The following DHRSX variants were observed in gnomAD, a reference collection of about 807,000 sequenced individuals.
DHRSX encodes dehydrogenase/reductase X-linked.
A neutral mutation model predicts 34.0 loss-of-function variants in DHRSX; 31 were observed. The observed-to-expected ratio is 0.91, with a 90% CI of 0.69 to 1.23. The LOEUF (loss-of-function observed/expected upper bound fraction) is 1.23. DHRSX is among the 50% of genes most tolerant of loss of function. DHRSX has a pLI of 0.00. For synonymous variants in DHRSX, 201 were observed against 183.8 expected, an observed-to-expected ratio of 1.09 and a Z score of -0.76; for missense variants, 414 against 428.1, an observed-to-expected ratio of 0.97 and a Z score of 0.29.
chrX:2,421,749 A>G (rs2043782842), intron 2 of DHRSX, among the ~76,000 whole-genome samples: 1 of 152,208 alleles, frequency 6.6e-6, no homozygotes, highest in African/African-American at 2.4e-5. Flanking sequence ...AGCCAAGTGG[A>G]TGGCCATCGA....
chrX:2,314,629 T>C (rs1430830864), intron 3 of DHRSX, among the ~76,000 whole-genome samples: 1 of 151,898 alleles, frequency 6.6e-6, no homozygotes, highest in Non-Finnish European at 1.5e-5. Context: ...TGTTTTTCCT[T>C]GTCTCATTAT....
chrX:2,469,162 C>G (rs776332844), intron 1 of DHRSX, among the ~76,000 whole-genome samples: 35 of 148,922 alleles, frequency 2.4e-4, no homozygotes, highest in African/African-American at 8.2e-4. Context: ...ATGTACACAC[C>G]GAAGACGTTC....
intron 5 of DHRSX, among the ~76,000 whole-genome samples, chrX:2,260,569 C>T (rs1455537557): frequency 6.6e-6 from 1 of 151,926 alleles, no homozygotes; most frequent in East Asian, 1.9e-4. Context: ...AAGGAATTCT[C>T]CTGCCTCAGC....
intron 3 of DHRSX, among the ~76,000 whole-genome samples, chrX:2,375,878 G>A (rs1358548308): frequency 4.4e-5 from 6 of 136,434 alleles, no homozygotes; most frequent in African/African-American, 1.5e-4. Flanking sequence ...TGATCCACCT[G>A]CCTCGGCCTC....
intron 6 of DHRSX, among the ~76,000 whole-genome samples, chrX:2,224,448 G>A (rs34046710): frequency 0.48 from 71,126 of 147,872 alleles, 17,088 homozygotes; most frequent in Middle Eastern, 0.57. Context: ...AAGTACTACC[G>A]TTTTAGGGGG....
chrX:2,385,290 T>C (rs1465510943), intron 3 of DHRSX, among the ~76,000 whole-genome samples: 1 of 152,128 alleles, frequency 6.6e-6, no homozygotes, highest in Non-Finnish European at 1.5e-5. Flanking sequence ...AATTCATCCA[T>C]GAATCAGCCA....
At chrX:2,436,966 C>T (rs962942075) in intron 1 of DHRSX, among the ~76,000 whole-genome samples, 1 of 151,982 alleles carries the variant, frequency 6.6e-6, no homozygotes, top group African/African-American at 2.4e-5. Context: ...GGTTCCTGAA[C>T]TTTACTTTCA....
chrX:2,385,897 G>A (rs2043265384), intron 3 of DHRSX, among the ~76,000 whole-genome samples: 1 of 152,134 alleles, frequency 6.6e-6, no homozygotes, highest in Non-Finnish European at 1.5e-5. Flanking sequence ...AGTACAGCCA[G>A]TAGATTTTTG....
At chrX:2,364,599 A>G (rs1221872186) in intron 3 of DHRSX, among the ~76,000 whole-genome samples, 1 of 152,158 alleles carries the variant, frequency 6.6e-6, no homozygotes, top group African/African-American at 2.4e-5. Context: ...TCTATCATTT[A>G]TCTATTTACC....
rs536994273 is a variant in DHRSX, at chrX:2,296,162, C to T, written c.287-4559G>A. Reference sequence around the variant, plus strand: ...TATGTTTTTAAGCATGTCTCATATGCCTTGGATGCTACGTAACTTTGGAAC... The same window carrying T: ...TATGTTTTTAAGCATGTCTCATATGTCTTGGATGCTACGTAACTTTGGAAC... On this transcript the variant is annotated intron_variant, in intron 3 of 6. Coordinates refer to ENST00000334651, the MANE Select transcript of DHRSX (RefSeq NM_145177.3). 4.6e-5 allele frequency among the ~76,000 whole-genome samples: 7 copies of T among 152,254 alleles called. 1 individual carries two copies. The highest frequency in any genetic ancestry group is 1.4e-4 in the African/African-American group (6 of 41,550).
chrX:2,248,432 C>CAAAAAAAAAAAAAAAAAGAAAAAAAAAAA, intron 5 of DHRSX, among the ~76,000 whole-genome samples: 1 of 111,076 alleles, frequency 9.0e-6, no homozygotes, highest in Non-Finnish European at 1.9e-5. Flanking sequence ...GACTCTGTCT[C>CAAAAAAAAAAAAAAAAAGAAAAAAAAAAA]AAAAAAAAAA....
At chrX:2,449,536 C>T (rs7877815) in intron 1 of DHRSX, among the ~76,000 whole-genome samples, 87,665 of 151,998 alleles carry the variant, frequency 0.58, 27,411 homozygotes, top group African/African-American at 0.82. Flanking sequence ...AGGCGATTGC[C>T]CAACCTGGAG....
At chrX:2,235,322 A>G (rs1245412082) in intron 6 of DHRSX, among the ~76,000 whole-genome samples, 2 of 152,160 alleles carry the variant, frequency 1.3e-5, no homozygotes, top group Admixed American at 1.3e-4. Flanking sequence ...AAAATCACCT[A>G]CAGGTATAGT....
intron 3 of DHRSX, among the ~76,000 whole-genome samples, chrX:2,372,711 C>T (rs2043088811): frequency 1.3e-5 from 2 of 151,834 alleles, no homozygotes; most frequent in South Asian, 2.1e-4. Context: ...CGGGTTCAAG[C>T]GATGCTCCTG....
rs1172786984 is a variant in DHRSX at position 2,354,398 on chromosome X, G to C, written c.286+54347C>G. On this transcript the variant is annotated intron_variant, in intron 3 of 6. Transcript: ENST00000334651. ...GATTCCCTCAGCTTAGAGAGCAGGT[G>C]CTCACAGACAGGGGTCATGGACAGC... Among the ~76,000 whole-genome samples the C allele has an allele frequency of 3.9e-5, 6 of 152,310 alleles. No individual in the cohort carries two copies. The South Asian group carries it at 8.3e-4, about 21-fold the overall frequency.
intron 3 of DHRSX, among the ~76,000 whole-genome samples, chrX:2,325,887 C>A (rs2042380297): frequency 6.6e-6 from 1 of 152,124 alleles, no homozygotes; most frequent in African/African-American, 2.4e-5. Context: ...CTCCTAAACT[C>A]CTCGTGTGTG....
intron 1 of DHRSX, among the ~76,000 whole-genome samples, chrX:2,474,235 T>G (rs2124019780): frequency 6.6e-6 from 1 of 151,666 alleles, no homozygotes; most frequent in East Asian, 1.9e-4. Context: ...CCACTCCGTA[T>G]GCACTGAAGA....
chrX:2,439,635 GT>G (rs1201971005), intron 1 of DHRSX, among the ~76,000 whole-genome samples: 1 of 150,756 alleles, frequency 6.6e-6, no homozygotes, highest in African/African-American at 2.4e-5. Flanking sequence ...CCCTGAGCTT[GT>G]TTTCCTGCAA....
intron 1 of DHRSX, among the ~76,000 whole-genome samples, chrX:2,461,344 T>C (rs2044399405): frequency 6.6e-6 from 1 of 152,194 alleles, no homozygotes. Context: ...CATCAAAACA[T>C]CTGCACCCAC....
Sources: gnomAD v4.1 joint callset for allele counts (sites outside exome capture counted in the v4.1 genomes callset) on GRCh38, gnomAD v4.1.1 for gene constraint, MANE v1.5 for transcripts, NCBI Gene and HGNC (gene_info 2026-07-23, HGNC 2026-07-21) for gene names.